SCHIP1: variants seen among roughly 807,000 people sequenced by gnomAD.
SCHIP1 encodes schwannomin-interacting protein 1.
SCHIP1 carries 8 observed loss-of-function variants against 29.7 expected under a neutral mutation model. The observed-to-expected ratio is 0.27, with a 90% CI of 0.16 to 0.49. SCHIP1 has a LOEUF of 0.49. SCHIP1 is among the 20% of genes least tolerant of loss of function. SCHIP1 has a pLI of 0.99. For synonymous variants in SCHIP1, 76 were observed against 94.9 expected, an observed-to-expected ratio of 0.80 and a Z score of 1.16; for missense variants, 193 against 294.6, an observed-to-expected ratio of 0.66 and a Z score of 2.52.
At chr3:159,789,274 G>T in the SCHIP1 span, among the ~76,000 whole-genome samples, 1 of 152,164 alleles carries the variant, frequency 6.6e-6, no homozygotes, top group African/African-American at 2.4e-5. Flanking sequence ...GCAGAATTTC[G>T]TCCTTTTCAG....
At chr3:159,385,881 T>C in the SCHIP1 span, among the ~76,000 whole-genome samples, 1 of 152,022 alleles carries the variant, frequency 6.6e-6, no homozygotes, top group Non-Finnish European at 1.5e-5. Flanking sequence ...GTGTGTGATG[T>C]TCCCCTCCCT....
the SCHIP1 span, among the ~76,000 whole-genome samples, chr3:159,724,339 T>C: frequency 8.6e-3 from 1,305 of 152,282 alleles, 22 homozygotes; most frequent in African/African-American, 0.029. Flanking sequence ...CAGGGAAAGA[T>C]GGGCCAAGGG....
the SCHIP1 span, among the ~76,000 whole-genome samples, chr3:159,559,523 T>C: frequency 6.6e-6 from 1 of 152,226 alleles, no homozygotes; most frequent in East Asian, 1.9e-4. Context: ...AGTATGTATA[T>C]TAGCTAGAAC....
At chr3:159,636,938 A>G in the SCHIP1 span, among the ~76,000 whole-genome samples, 1 of 152,230 alleles carries the variant, frequency 6.6e-6, no homozygotes, top group Non-Finnish European at 1.5e-5. Flanking sequence ...TTGTAGTTTT[A>G]GCTACTCATG....
At chr3:159,441,126 A>C in the SCHIP1 span, among the ~76,000 whole-genome samples, 1 of 152,104 alleles carries the variant, frequency 6.6e-6, no homozygotes, top group Non-Finnish European at 1.5e-5. Flanking sequence ...AGAGGCCTTG[A>C]AACAACACAT....
chr3:159,593,991 GA>G, the SCHIP1 span, among the ~76,000 whole-genome samples: 1 of 152,332 alleles, frequency 6.6e-6, no homozygotes, highest in East Asian at 1.9e-4. Flanking sequence ...GCACAGAGTA[GA>G]AAACACCAAG....
chr3:159,661,180 C>T, the SCHIP1 span, among the ~76,000 whole-genome samples: 1 of 152,144 alleles, frequency 6.6e-6, no homozygotes, highest in African/African-American at 2.4e-5. Context: ...TCTAAGATTC[C>T]AGACTTTTAG....
At chr3:159,880,948 T>G (rs184303082) in intron 2 of SCHIP1, among the ~76,000 whole-genome samples, 1 of 152,308 alleles carries the variant, frequency 6.6e-6, no homozygotes, top group Admixed American at 6.5e-5. Context: ...TAAGTAGTAA[T>G]AGGCATTTCT....
chr3:159,833,337 C>T, the SCHIP1 span, among the ~76,000 whole-genome samples: 2 of 152,100 alleles, frequency 1.3e-5, no homozygotes, highest in African/African-American at 4.8e-5. Context: ...TGGCTTGTGG[C>T]CTCTTCTTCC....
the SCHIP1 span, among the ~76,000 whole-genome samples, chr3:159,638,106 C>T: frequency 6.6e-6 from 1 of 152,186 alleles, no homozygotes; most frequent in Non-Finnish European, 1.5e-5. Context: ...GTACCAAGTC[C>T]TCCTTCTGAG....
At chr3:159,576,016 G>A in the SCHIP1 span, among the ~76,000 whole-genome samples, 2 of 152,002 alleles carry the variant, frequency 1.3e-5, no homozygotes, top group African/African-American at 2.4e-5. Context: ...AGAAAGAATA[G>A]CCTTTGGAAG....
At chr3:159,358,877 T>C in the SCHIP1 span, among the ~76,000 whole-genome samples, 34 of 151,822 alleles carry the variant, frequency 2.2e-4, no homozygotes, top group Non-Finnish European at 3.7e-4. Context: ...AGCATGGTAT[T>C]GTAAGCTAAA....
the SCHIP1 span, among the ~76,000 whole-genome samples, chr3:159,331,001 A>G: frequency 2.2e-3 from 339 of 152,306 alleles, 2 homozygotes; most frequent in African/African-American, 7.7e-3. Flanking sequence ...CAATACATAG[A>G]TTCAATGCTT....
the SCHIP1 span, among the ~76,000 whole-genome samples, chr3:159,531,081 C>A: frequency 6.6e-6 from 1 of 152,070 alleles, no homozygotes; most frequent in East Asian, 1.9e-4. Context: ...CTCAAGAGAC[C>A]CTAAAAGATT....
At chr3:159,348,116 A>G in the SCHIP1 span, among the ~76,000 whole-genome samples, 4 of 152,284 alleles carry the variant, frequency 2.6e-5, no homozygotes, top group South Asian at 4.1e-4. Context: ...AAAACTTAAC[A>G]AATTTTAGAC....
chr3:159,875,017 C>CT lies in SCHIP1; in HGVS notation c.149+8737dup, dbSNP rs1397857972. ...ACTATTTGAAAGGCCACTGGGTAGT[C>CT]TAAAAAAAAAAAAAACAAAAACTAT... On this transcript the variant is annotated intron_variant, in intron 2 of 6. Transcript: ENST00000445224. Among the ~76,000 whole-genome samples, 509 of 83,072 alleles carry CT rather than the reference C, an allele frequency of 6.1e-3. 8 individuals are homozygous for CT. Among genetic ancestry groups the CT allele is most frequent in the African/African-American group, 0.025 (488 of 19,182 alleles). 54.5% of individuals were successfully genotyped at this position (83,072 alleles called of 152,430 possible).
chr3:159,594,538 A>C, the SCHIP1 span, among the ~76,000 whole-genome samples: 2 of 152,194 alleles, frequency 1.3e-5, no homozygotes, highest in East Asian at 3.9e-4. Flanking sequence ...GGCTTCCACT[A>C]AACCAGCCAT....
intron 3 of SCHIP1, chr3:159,887,504 G>T: frequency 1.7e-6 from 1 of 591,398 alleles, no homozygotes; most frequent in South Asian, 2.1e-5. Context: ...TAACTATACT[G>T]CTCTCTCTGT....
the SCHIP1 span, among the ~76,000 whole-genome samples, chr3:159,744,981 CA>C: frequency 0.44 from 64,980 of 147,474 alleles, 14,969 homozygotes; most frequent in Middle Eastern, 0.55. Context: ...GACTCCGTCT[CA>C]AAAAAAAAAA....
Sources: gnomAD v4.1 joint callset for allele counts (sites outside exome capture counted in the v4.1 genomes callset) on GRCh38, gnomAD v4.1.1 for gene constraint, MANE v1.5 for transcripts, NCBI Gene and HGNC (gene_info 2026-07-23, HGNC 2026-07-21) for gene names.